The following KIFC3 variants were observed in gnomAD, a reference collection of about 807,000 sequenced individuals.
KIFC3 encodes the protein kinesin-like protein KIFC3.
KIFC3 carries 60 observed loss-of-function variants against 101.8 expected under a neutral mutation model. The ratio of observed to expected loss-of-function variants is 0.59; its 90% CI spans 0.48 to 0.73. The LOEUF is 0.73. Among genes scored for constraint, KIFC3 ranks in the 30% least tolerant of loss-of-function variants. The pLI is 0.00. For synonymous variants in KIFC3, 476 were observed against 482.7 expected, an observed-to-expected ratio of 0.99 and a Z score of 0.18; for missense variants, 966 against 1,137.1, an observed-to-expected ratio of 0.85 and a Z score of 2.16.
upstream of KIFC3, among the ~76,000 whole-genome samples, chr16:57,805,752 T>C (rs1332820324): frequency 6.0e-5 from 9 of 149,934 alleles, no homozygotes; most frequent in African/African-American, 2.2e-4. Flanking sequence ...CTCGGCTCAC[T>C]GAAATCTCTG....
At chr16:57,824,201 C>T (rs1312220761) in intron 1 of KIFC3, among the ~76,000 whole-genome samples, 1 of 152,152 alleles carries the variant, frequency 6.6e-6, no homozygotes, top group Non-Finnish European at 1.5e-5. Context: ...AGATGGAGAT[C>T]TGGGTGCATA....
At chr16:57,851,194 T>G (rs1425041188) in intron 1 of KIFC3, among the ~76,000 whole-genome samples, 1 of 152,100 alleles carries the variant, frequency 6.6e-6, no homozygotes, top group Non-Finnish European at 1.5e-5. Flanking sequence ...TTTAATGTTT[T>G]GTAGAGACGG....
At chr16:57,817,119 G>A (rs1478756640) in intron 1 of KIFC3, among the ~76,000 whole-genome samples, 2 of 152,170 alleles carry the variant, frequency 1.3e-5, no homozygotes, top group Non-Finnish European at 2.9e-5. Context: ...AGCACTTTGG[G>A]AGGCTGAGGC....
At chr16:57,807,334 T>A (rs1210903709), upstream of KIFC3, among the ~76,000 whole-genome samples, 1 of 152,234 alleles carries the variant, frequency 6.6e-6, no homozygotes, top group Non-Finnish European at 1.5e-5. Context: ...ACTGCAGGTC[T>A]TGGGCACATG....
chr16:57,794,560 T>C (rs2054144911), intron 3 of KIFC3, among the ~76,000 whole-genome samples: 1 of 152,168 alleles, frequency 6.6e-6, no homozygotes, highest in Admixed American at 6.5e-5. Context: ...TGGTGATAAC[T>C]GCAAGGGAGA....
At chr16:57,789,169 G>A (rs2053629320) in intron 3 of KIFC3, among the ~76,000 whole-genome samples, 1 of 152,198 alleles carries the variant, frequency 6.6e-6, no homozygotes, top group Admixed American at 6.5e-5. Context: ...TCTCCAGATG[G>A]GACCCCCAGG....
chr16:57,799,146 G>A (rs1360457752), intron 1 of KIFC3, among the ~76,000 whole-genome samples: 1 of 152,208 alleles, frequency 6.6e-6, no homozygotes. Flanking sequence ...GCTTCAGTCA[G>A]GGATAGGTCC....
chr16:57,807,981 TA>T (rs2054980924), upstream of KIFC3: 1 of 76,194 alleles, frequency 1.3e-5, no homozygotes, highest in Admixed American at 1.4e-4. Flanking sequence ...GACTAGAAAA[TA>T]AAAAGGAAAC....
intron 3 of KIFC3, among the ~76,000 whole-genome samples, chr16:57,772,886 C>G (rs2965788): frequency 0.96 from 146,698 of 152,250 alleles, 70,902 homozygotes; most frequent in African/African-American, 0.99. Context: ...AGCCAAGGCT[C>G]TTATAGGGGG....
At chr16:57,826,078 C>A (rs907415754) in intron 1 of KIFC3, among the ~76,000 whole-genome samples, 2 of 152,388 alleles carry the variant, frequency 1.3e-5, no homozygotes, top group South Asian at 2.1e-4. Flanking sequence ...AACCTCCGTC[C>A]TCTGCCTCCC....
chr16:57,779,709 G>A (rs1555613478), intron 3 of KIFC3, among the ~76,000 whole-genome samples: 1 of 152,134 alleles, frequency 6.6e-6, no homozygotes, highest in East Asian at 1.9e-4. Context: ...AGCTATGCGG[G>A]AGCCGGAGAC....
intron 1 of KIFC3, among the ~76,000 whole-genome samples, chr16:57,810,463 T>C (rs1453609152): frequency 1.3e-5 from 2 of 152,112 alleles, no homozygotes; most frequent in Non-Finnish European, 2.9e-5. Flanking sequence ...CTCCCACAGC[T>C]CTCAGTGCTG....
chr16:57,852,700 T>C (rs1450656558), intron 1 of KIFC3, among the ~76,000 whole-genome samples: 2 of 152,218 alleles, frequency 1.3e-5, no homozygotes, highest in Non-Finnish European at 2.9e-5. Flanking sequence ...ATATTTGACT[T>C]CAAGAGGTTT....
intron 2 of KIFC3, among the ~76,000 whole-genome samples, chr16:57,796,883 G>A (rs1429041804): frequency 6.6e-6 from 1 of 152,214 alleles, no homozygotes; most frequent in Non-Finnish European, 1.5e-5. Flanking sequence ...TGTTTTACCG[G>A]AAAAGCAATA....
rs781994448 is a variant in KIFC3 at position 57,769,580 on chromosome 16, A to G, written c.1218+15T>C. On this transcript the variant is annotated intron_variant, in intron 9 of 19. Transcript: ENST00000445690. The surrounding 1 kb of genome is among the most constrained non-coding windows in gnomAD (Gnocchi z 4.3). ...CCCCTTAGCCTGGACCCTCCCACCC[A>G]CTGCCCTCGCTCACCTCGGCCTTGA... 6.2e-7 allele frequency: 1 copy of G among 1,604,752 alleles called. No homozygotes were observed.
chr16:57,790,037 AT>A (rs782112792), intron 3 of KIFC3, among the ~76,000 whole-genome samples: 9 of 119,344 alleles, frequency 7.5e-5, no homozygotes, highest in East Asian at 2.5e-4. Flanking sequence ...GCGCCTGGCC[AT>A]TTTTTTTTGC....
chr16:57,862,792 A>G (rs1281431933), exon 1 of KIFC3: 1 of 1,289,600 alleles, frequency 7.8e-7, no homozygotes, highest in Non-Finnish European at 1.0e-6. Context: ...GCTTCCATGC[A>G]GCTGTCAGAG....
intron 11 of KIFC3, 28 bp from the exon 12 acceptor site, chr16:57,764,275 T>TGGGGGGGCTGGGGGGG: frequency 1.9e-6 from 1 of 539,930 alleles, no homozygotes; most frequent in Non-Finnish European, 3.5e-6. Flanking sequence ...GGGAGGCTGG[T>TGGGGGGGCTGGGGGGG]GGGGGGGCTT....
chr16:57,819,944 C>A (rs2055315459), intron 1 of KIFC3, among the ~76,000 whole-genome samples: 1 of 152,210 alleles, frequency 6.6e-6, no homozygotes, highest in Non-Finnish European at 1.5e-5. Flanking sequence ...TCTCGGCTCA[C>A]TCCAACCTCC....
Sources: gnomAD v4.1 joint callset for allele counts (sites outside exome capture counted in the v4.1 genomes callset) on GRCh38, gnomAD v4.1.1 for gene constraint, Gnocchi (gnomAD v3.1) non-coding constraint, MANE v1.5 for transcripts, NCBI Gene and HGNC (gene_info 2026-07-23, HGNC 2026-07-21) for gene names.